SPAG16: variants seen among roughly 807,000 people sequenced by gnomAD.
SPAG16 encodes sperm associated antigen 16.
In SPAG16, 86 loss-of-function variants were observed where a neutral mutation model predicts 80.4. That is an observed-to-expected ratio of 1.07 (90% CI 0.90 to 1.28). SPAG16 has a LOEUF of 1.28. Ranked by LOEUF, SPAG16 falls within the 50% of genes most tolerant of loss-of-function variation. The pLI is 0.00. For synonymous variants in SPAG16, 294 were observed against 265.9 expected, an observed-to-expected ratio of 1.11 and a Z score of -1.03; for missense variants, 870 against 765.3, an observed-to-expected ratio of 1.14 and a Z score of -1.61.
At chr2:214,136,173 C>G (rs1025548214) in intron 14 of SPAG16, among the ~76,000 whole-genome samples, 6 of 152,050 alleles carry the variant, frequency 3.9e-5, no homozygotes, top group African/African-American at 1.4e-4. Context: ...GATAACAAAC[C>G]ATTCATGAGT....
intron 15 of SPAG16, among the ~76,000 whole-genome samples, chr2:214,398,654 G>A (rs1005865269): frequency 3.9e-5 from 6 of 152,302 alleles, no homozygotes; most frequent in Middle Eastern, 3.4e-3. Context: ...CCAGGTCATC[G>A]GAATGTAATA....
intron 11 of SPAG16, among the ~76,000 whole-genome samples, chr2:213,897,916 G>A (rs1292073829): frequency 6.6e-6 from 1 of 152,110 alleles, no homozygotes; most frequent in East Asian, 1.9e-4. Context: ...CCTATCTTTG[G>A]GTTACTTCTT....
At chr2:213,321,678 G>T (rs1328532749) in intron 5 of SPAG16, among the ~76,000 whole-genome samples, 2 of 152,246 alleles carry the variant, frequency 1.3e-5, no homozygotes, top group East Asian at 3.9e-4. Flanking sequence ...GTTGTCAACA[G>T]TGTCAATTTT....
intron 15 of SPAG16, chr2:214,250,197 T>C (rs1306188548): frequency 6.6e-6 from 1 of 152,124 alleles, no homozygotes. Context: ...AGAGGAACAC[T>C]CATAGACATT....
At chr2:213,892,856 T>A (rs1416675380) in intron 11 of SPAG16, among the ~76,000 whole-genome samples, 1 of 152,066 alleles carries the variant, frequency 6.6e-6, no homozygotes, top group Non-Finnish European at 1.5e-5. Flanking sequence ...CATGAGAAAG[T>A]TGAACAATAG....
At chr2:213,457,529 A>T (rs142390658) in intron 9 of SPAG16, among the ~76,000 whole-genome samples, 2 of 152,162 alleles carry the variant, frequency 1.3e-5, no homozygotes, top group East Asian at 3.8e-4. Context: ...ACATGCAAAA[A>T]CTTTTGAATT....
intron 12 of SPAG16, among the ~76,000 whole-genome samples, chr2:214,007,469 T>C (rs1232150618): frequency 2.0e-5 from 3 of 152,198 alleles, no homozygotes; most frequent in Non-Finnish European, 4.4e-5. Context: ...AAGTTTGGTA[T>C]ACATTCTTTT....
chr2:213,708,799 A>C (rs981089143), intron 10 of SPAG16, among the ~76,000 whole-genome samples: 29 of 152,146 alleles, frequency 1.9e-4, no homozygotes, highest in Non-Finnish European at 3.1e-4. Flanking sequence ...AGGGGGGAAA[A>C]AAGTACTGGG....
intron 10 of SPAG16, among the ~76,000 whole-genome samples, chr2:213,530,332 C>A (rs1221487162): frequency 6.6e-6 from 1 of 152,114 alleles, no homozygotes; most frequent in Non-Finnish European, 1.5e-5. Flanking sequence ...TGTGCTGTGA[C>A]ATTGTGGTGT....
chr2:213,473,588 T>C (rs1164287699), intron 9 of SPAG16, among the ~76,000 whole-genome samples: 1 of 152,124 alleles, frequency 6.6e-6, no homozygotes, highest in Non-Finnish European at 1.5e-5. Flanking sequence ...TCAGGCACAG[T>C]AGGCCATCTT....
chr2:213,501,563 G>T lies in SPAG16; in HGVS notation c.1070+11473G>T, dbSNP rs2074742452. Among the ~76,000 whole-genome samples the T allele has an allele frequency of 2.6e-5, 4 of 152,188 alleles. No homozygotes were observed. The South Asian group carries it at 8.3e-4, about 31-fold the overall frequency. On this transcript the variant is annotated intron_variant, in intron 10 of 15. Transcript: ENST00000331683. ...ATTCTCTTCAGAGGAAGCTGAATTAGTATGTCTTAAGACCTGCTCTGTGTA... is the reference window on the plus strand; with the variant it reads ...ATTCTCTTCAGAGGAAGCTGAATTATTATGTCTTAAGACCTGCTCTGTGTA...
chr2:213,441,820 T>G (rs1191457776), intron 9 of SPAG16, among the ~76,000 whole-genome samples: 1 of 152,148 alleles, frequency 6.6e-6, no homozygotes, highest in Non-Finnish European at 1.5e-5. Context: ...TCAACCACTT[T>G]CCTATATTCC....
intron 13 of SPAG16, among the ~76,000 whole-genome samples, chr2:214,042,922 G>A (rs2049115362): frequency 6.6e-6 from 1 of 152,008 alleles, no homozygotes; most frequent in African/African-American, 2.4e-5. Flanking sequence ...CTATATATTG[G>A]TTGTTAACAG....
chr2:213,730,497 A>G (rs1559417145), intron 10 of SPAG16, among the ~76,000 whole-genome samples: 1 of 152,164 alleles, frequency 6.6e-6, no homozygotes, highest in East Asian at 1.9e-4. Context: ...TTTTCTTTCA[A>G]TACTTTCAAT....
intron 13 of SPAG16, among the ~76,000 whole-genome samples, chr2:214,041,832 A>C (rs1447609658): frequency 1.3e-5 from 2 of 151,180 alleles, no homozygotes; most frequent in Admixed American, 6.6e-5. Flanking sequence ...ATTTTTAAAC[A>C]AAACAATAAC....
At chr2:213,465,382 C>T (rs1038243095) in intron 9 of SPAG16, among the ~76,000 whole-genome samples, 1 of 152,150 alleles carries the variant, frequency 6.6e-6, no homozygotes, top group African/African-American at 2.4e-5. Context: ...TCCTTTATCC[C>T]TTGTTCTACA....
intron 10 of SPAG16, among the ~76,000 whole-genome samples, chr2:213,849,487 T>A (rs1055047743): frequency 6.6e-6 from 1 of 152,222 alleles, no homozygotes; most frequent in Non-Finnish European, 1.5e-5. Context: ...AAAATTAATA[T>A]TGGCTTTCTA....
intron 10 of SPAG16, among the ~76,000 whole-genome samples, chr2:213,549,442 A>G (rs2076719271): frequency 6.6e-6 from 1 of 152,130 alleles, no homozygotes; most frequent in South Asian, 2.1e-4. Flanking sequence ...TCCTTTGTCA[A>G]GGCTCAAATC....
chr2:213,775,091 G>A (rs781455025), intron 10 of SPAG16, among the ~76,000 whole-genome samples: 14 of 152,076 alleles, frequency 9.2e-5, no homozygotes, highest in South Asian at 2.1e-4. Flanking sequence ...TCTTCTAGCC[G>A]GCATTTATGA....
Sources: gnomAD v4.1 joint callset for allele counts (sites outside exome capture counted in the v4.1 genomes callset) on GRCh38, gnomAD v4.1.1 for gene constraint, MANE v1.5 for transcripts, NCBI Gene and HGNC (gene_info 2026-07-23, HGNC 2026-07-21) for gene names.